The following VWC2 variants were observed in gnomAD, a reference collection of about 807,000 sequenced individuals.
The protein encoded by VWC2 is brorin.
Under a neutral mutation model 29.8 loss-of-function variants are expected in VWC2, and 14 were observed. That is an observed-to-expected ratio of 0.47 (90% confidence interval 0.31 to 0.74). The LOEUF (loss-of-function observed/expected upper bound fraction) is 0.74, where lower values mean the gene tolerates loss of function less well. Ranked by LOEUF, VWC2 falls within the 30% of genes least tolerant of loss-of-function variation. The probability of loss-of-function intolerance (pLI) is 0.05; values close to 1 mark genes in which losing one functional copy is unlikely to be tolerated. For missense variants in VWC2, 457 were observed against 459.8 expected (o/e 0.99, Z 0.05); for synonymous variants, 213 against 199.0 (o/e 1.07, Z -0.59).
chr7:49,841,274 T>C (rs1454741620), intron 3 of VWC2, among the ~76,000 whole-genome samples: 1 of 151,764 alleles, frequency 6.6e-6, no homozygotes. Context: ...TGAGAGCTAG[T>C]ATTTGCTGAA....
At chr7:49,903,437 C>T (rs140262939) in intron 3 of VWC2, among the ~76,000 whole-genome samples, 4 of 152,320 alleles carry the variant, frequency 2.6e-5, no homozygotes, top group African/African-American at 9.6e-5. Flanking sequence ...CTCACCACAA[C>T]TTGGATAGAT....
Position 49,775,934 on chromosome 7 carries a change from G to A in VWC2, c.499G>A (p.Glu167Lys), listed in dbSNP as rs1788044427. ...GAGCGGCTTCGTGTACGCGATCGGGGAGAAGTTCGCGCCGGGCCCCTCGGC... is the reference window on the plus strand; with the variant it reads ...GAGCGGCTTCGTGTACGCGATCGGGAAGAAGTTCGCGCCGGGCCCCTCGGC... The part of the protein sequence containing the change: ...DESGFVYAIG[E>K]KFAPGPSACP... The change falls in exon 2 of 4, where the codon GAG becomes AAG. Residue 167 changes from glutamate to lysine, a missense_variant. Physicochemically the swap from Glu to Lys is moderately conservative, Grantham distance 56. This residue lies in a region of VWC2 where 185 missense variants were observed against 257.1 expected (regional missense o/e 0.72). Transcript: ENST00000340652. The A allele has an allele frequency of 6.4e-7, 1 of 1,555,874 alleles. No individual in the cohort carries two copies. The highest frequency in any genetic ancestry group is 1.9e-5 in the Admixed American group (1 of 52,136).
In VWC2 at chr7:49,779,370, T is replaced by G. The variant is rs1364183004; in HGVS notation, c.696+3239T>G. ...GTTAGATACTTGTGAAAGATCTCAC[T>G]GACTCCACAAAATACCATTAAGCTG... On this transcript the variant is annotated intron_variant, in intron 2 of 3. Transcript: ENST00000340652. 5.3e-5 allele frequency among the ~76,000 whole-genome samples: 8 copies of G among 152,346 alleles called. No homozygotes were observed. In the East Asian group the frequency reaches 1.5e-3, roughly 29 times the overall value.
chr7:49,833,146 C>A (rs181748351), intron 3 of VWC2, among the ~76,000 whole-genome samples: 1 of 152,184 alleles, frequency 6.6e-6, no homozygotes, highest in South Asian at 2.1e-4. Context: ...AACTGCAGGG[C>A]GTTTAGTGTC....
chr7:49,809,457 CA>C (rs1788949843), intron 3 of VWC2, among the ~76,000 whole-genome samples: 1 of 151,836 alleles, frequency 6.6e-6, no homozygotes, highest in African/African-American at 2.4e-5. Flanking sequence ...GAAATAATAC[CA>C]ATCTTTTACA....
intron 2 of VWC2, among the ~76,000 whole-genome samples, chr7:49,793,847 T>A (rs940121613): frequency 2.6e-5 from 4 of 152,224 alleles, no homozygotes; most frequent in Non-Finnish European, 5.9e-5. Context: ...AAGATCAGCA[T>A]CCTGGACTGG....
chr7:49,876,563 T>A (rs188598366), intron 3 of VWC2, among the ~76,000 whole-genome samples: 1 of 152,310 alleles, frequency 6.6e-6, no homozygotes, highest in East Asian at 1.9e-4. Flanking sequence ...ATTTAGTACT[T>A]CAATTAAATA....
intron 2 of VWC2, among the ~76,000 whole-genome samples, chr7:49,788,754 G>A (rs1165355984): frequency 1.3e-5 from 2 of 148,218 alleles, no homozygotes; most frequent in African/African-American, 2.6e-5. Flanking sequence ...GTGGATGTGG[G>A]TGTGGGGGTG....
intron 2 of VWC2, among the ~76,000 whole-genome samples, chr7:49,788,804 G>A (rs1788371937): frequency 6.7e-6 from 1 of 150,066 alleles, no homozygotes; most frequent in Non-Finnish European, 1.5e-5. Context: ...GTGTGACTGT[G>A]TGGGTGCGTG....
intron 2 of VWC2, among the ~76,000 whole-genome samples, chr7:49,796,105 T>C (rs1301397053): frequency 6.6e-6 from 1 of 152,170 alleles, no homozygotes; most frequent in East Asian, 1.9e-4. Flanking sequence ...ATCTGAGAGT[T>C]AGAAAATATC....
At chr7:49,824,854 G>C (rs1024766987) in intron 3 of VWC2, among the ~76,000 whole-genome samples, 7 of 151,886 alleles carry the variant, frequency 4.6e-5, no homozygotes, top group Non-Finnish European at 1.0e-4. Context: ...AAATATATTT[G>C]ATTTTTATTA....
intron 2 of VWC2, among the ~76,000 whole-genome samples, chr7:49,786,166 A>G (rs1354002467): frequency 5.9e-5 from 9 of 152,144 alleles, no homozygotes; most frequent in Non-Finnish European, 1.2e-4. Context: ...TCCAGTGTCT[A>G]TTGTTCCCAT....
Position 49,909,921 on chromosome 7 carries a change from T to C in VWC2, c.827-2113T>C, listed in dbSNP as rs151236152. ...GAGTTTGAGACCAGCCTGGGCAACA[T>C]AGAAAGACCTCATATCTCCAAAGAT... On this transcript the variant is annotated intron_variant, in intron 3 of 3. Transcript: ENST00000340652. Among the ~76,000 whole-genome samples the C allele has an allele frequency of 3.3e-3, 501 of 151,766 alleles. 5 individuals are homozygous for C. Among genetic ancestry groups the C allele is most frequent in the African/African-American group, 0.011 (439 of 41,384 alleles).
At chr7:49,860,147 A>G (rs1014950789) in intron 3 of VWC2, among the ~76,000 whole-genome samples, 1 of 152,104 alleles carries the variant, frequency 6.6e-6, no homozygotes, top group Non-Finnish European at 1.5e-5. Context: ...TAAGTGTTCA[A>G]TCCAGTGGCA....
At chr7:49,820,728 TCC>T (rs1388216224) in intron 3 of VWC2, among the ~76,000 whole-genome samples, 1 of 152,202 alleles carries the variant, frequency 6.6e-6, no homozygotes, top group African/African-American at 2.4e-5. Context: ...CATTGACTCT[TCC>T]CCATCATTTA....
At position 49,797,553 on chromosome 7, in the gene VWC2, G is replaced by A. The variant is rs149878827; in HGVS notation, c.697-5158G>A. Among the ~76,000 whole-genome samples the A allele has an allele frequency of 1.2e-3, 185 of 152,308 alleles. 1 individual carries two copies. Among genetic ancestry groups the A allele is most frequent in the African/African-American group, 4.2e-3 (176 of 41,556 alleles). ...CAATGTGGATGAGTGAGAATGATTA[G>A]TGCATCAGCTTGGAGACCCTGTTTG... is the stretch of plus-strand genomic sequence containing the variant. On this transcript the variant is annotated intron_variant, in intron 2 of 3. Coordinates refer to ENST00000340652, the MANE Select transcript of VWC2 (RefSeq NM_198570.5).
At chr7:49,796,206 T>C (rs1229865005) in intron 2 of VWC2, among the ~76,000 whole-genome samples, 1 of 152,138 alleles carries the variant, frequency 6.6e-6, no homozygotes, top group Non-Finnish European at 1.5e-5. Flanking sequence ...AGTTCTATGC[T>C]GAAGTTTCTT....
intron 3 of VWC2, among the ~76,000 whole-genome samples, chr7:49,854,002 A>T (rs1790310723): frequency 6.6e-6 from 1 of 151,844 alleles, no homozygotes; most frequent in Admixed American, 6.6e-5. Context: ...GCTGAGAATG[A>T]TGGTTTCCAG....
At chr7:49,882,465 A>G (rs1307530087) in intron 3 of VWC2, among the ~76,000 whole-genome samples, 2 of 152,160 alleles carry the variant, frequency 1.3e-5, no homozygotes, top group Non-Finnish European at 2.9e-5. Flanking sequence ...CACTGTAAAG[A>G]GAAAGAGAGG....
Sources: gnomAD v4.1 joint callset for allele counts (sites outside exome capture counted in the v4.1 genomes callset) on GRCh38, gnomAD v4.1.1 for gene constraint, gnomAD v4.1.1 regional missense constraint, MANE v1.5 for transcripts, NCBI Gene and HGNC (gene_info 2026-07-23, HGNC 2026-07-21) for gene names.